Variants in CDH4 observed in about 807,000 individuals in gnomAD.
The protein encoded by CDH4 is cadherin-4.
Under a neutral mutation model 86.0 loss-of-function variants are expected in CDH4, and 33 were observed. That is an observed-to-expected ratio of 0.38 (90% CI 0.29 to 0.51). CDH4 has a LOEUF of 0.51. Ranked by LOEUF, CDH4 falls within the 20% of genes least tolerant of loss-of-function variation. The pLI, the probability that CDH4 is intolerant of heterozygous loss-of-function variation, is 0.86. For missense variants in CDH4, 1,114 were observed against 1,307.4 expected (o/e 0.85, Z 2.28); for synonymous variants, 555 against 549.4 (o/e 1.01, Z -0.14).
chr20:61,370,293 C>G (rs970830631), intron 2 of CDH4: 2 of 153,058 alleles, frequency 1.3e-5, no homozygotes, highest in African/African-American at 4.8e-5. Flanking sequence ...AGGTAGAGTG[C>G]TGGGCTGGAC....
intron 3 of CDH4, among the ~76,000 whole-genome samples, chr20:61,758,178 G>T (rs1163086886): frequency 2.0e-5 from 3 of 152,270 alleles, no homozygotes; most frequent in African/African-American, 7.2e-5. Context: ...GGGTAGAGGC[G>T]CTGTTTCATC....
rs548945755 is a variant in CDH4 at position 61,547,852 on chromosome 20, G to A, written c.170-195711G>A. On this transcript the variant is annotated intron_variant, in intron 2 of 15. Coordinates refer to ENST00000614565, the MANE Select transcript of CDH4 (RefSeq NM_001794.5). ...ACATACACGCACATATGTGTAAAGCGGCACCGCGTGGGGCTGGCAGAGCGA... is the reference window on the plus strand; with the variant it reads ...ACATACACGCACATATGTGTAAAGCAGCACCGCGTGGGGCTGGCAGAGCGA... 1.4e-3 allele frequency among the ~76,000 whole-genome samples: 210 copies of A among 152,354 alleles called. 2 individuals are homozygous for A. The highest frequency in any genetic ancestry group is 4.9e-3 in the African/African-American group (202 of 41,592).
chr20:61,435,486 T>G (rs2085275706), intron 2 of CDH4, among the ~76,000 whole-genome samples: 1 of 152,182 alleles, frequency 6.6e-6, no homozygotes, highest in Non-Finnish European at 1.5e-5. Context: ...TGCTTCCAGC[T>G]TGGTGCACTG....
chr20:61,343,839 C>T (rs1292070828), intron 2 of CDH4, among the ~76,000 whole-genome samples: 1 of 152,096 alleles, frequency 6.6e-6, no homozygotes, highest in African/African-American at 2.4e-5. Context: ...GTGTCAACCT[C>T]ATGTGCCTGT....
chr20:61,343,874 C>T (rs993672122), intron 2 of CDH4, among the ~76,000 whole-genome samples: 7 of 152,076 alleles, frequency 4.6e-5, no homozygotes, highest in East Asian at 1.9e-4. Flanking sequence ...TTGGTCACAT[C>T]GGTTGAAAGA....
intron 2 of CDH4, among the ~76,000 whole-genome samples, chr20:61,474,758 AG>A (rs2085525351): frequency 6.6e-6 from 1 of 152,044 alleles, no homozygotes; most frequent in South Asian, 2.1e-4. Context: ...GATACTTCCA[AG>A]GGCATTTTTA....
chr20:61,858,357 C>T lies in CDH4; in HGVS notation c.877+5459C>T, dbSNP rs1600716967. ...TGTCTGTATCTGCGTATGTGTCTCT[C>T]TGTGCGTGTCTCTGTGTCTGTATGT... On this transcript the variant is annotated intron_variant, in intron 6 of 15. Transcript: ENST00000614565. 5.6e-5 allele frequency among the ~76,000 whole-genome samples: 4 copies of T among 71,648 alleles called. No homozygotes were observed. The Admixed American group carries it at 6.8e-4, about 12-fold the overall frequency. 47.0% of individuals were successfully genotyped at this position (71,648 alleles called of 152,430 possible).
chr20:61,851,139 C>T (rs75848399), intron 5 of CDH4, among the ~76,000 whole-genome samples: 1,906 of 152,328 alleles, frequency 0.013, 47 homozygotes, highest in East Asian at 0.097. Flanking sequence ...AGCAACCCCA[C>T]AGCACTTCAG....
intron 2 of CDH4, among the ~76,000 whole-genome samples, chr20:61,438,762 A>T (rs1320066571): frequency 6.6e-6 from 1 of 152,202 alleles, no homozygotes; most frequent in Non-Finnish European, 1.5e-5. Context: ...AAAGTCCACT[A>T]ACTACCCACA....
At chr20:61,495,556 C>T (rs142623332) in intron 2 of CDH4, among the ~76,000 whole-genome samples, 164 of 152,262 alleles carry the variant, frequency 1.1e-3, no homozygotes, top group African/African-American at 3.6e-3. Flanking sequence ...GAGACTGCAG[C>T]CTGGGCGACA....
At chr20:61,356,222 A>G (rs1452025103) in intron 2 of CDH4, among the ~76,000 whole-genome samples, 1 of 152,112 alleles carries the variant, frequency 6.6e-6, no homozygotes, top group Admixed American at 6.6e-5. Flanking sequence ...ATTATCTTGG[A>G]AGAGGGTTGA....
intron 2 of CDH4, among the ~76,000 whole-genome samples, chr20:61,386,782 T>G (rs1694466304): frequency 2.6e-5 from 4 of 152,236 alleles, no homozygotes; most frequent in African/African-American, 7.2e-5. Flanking sequence ...GTCCTCGATA[T>G]TTTGTGCCTT....
intron 4 of CDH4, among the ~76,000 whole-genome samples, chr20:61,812,631 T>G (rs1980497429): frequency 2.6e-5 from 4 of 152,320 alleles, no homozygotes; most frequent in Admixed American, 6.5e-5. Flanking sequence ...TGGTATGTAA[T>G]TTAGTCACTG....
chr20:61,862,019 G>A (rs532474293), intron 6 of CDH4, among the ~76,000 whole-genome samples: 4 of 152,314 alleles, frequency 2.6e-5, no homozygotes, highest in South Asian at 2.1e-4. Context: ...AACGGGAAGC[G>A]CCTTTCCCTG....
chr20:61,731,574 C>A (rs1000746792), intron 2 of CDH4, among the ~76,000 whole-genome samples: 1 of 152,208 alleles, frequency 6.6e-6, no homozygotes, highest in African/African-American at 2.4e-5. Flanking sequence ...TCCTGCTGCT[C>A]AGCAGATTCC....
At chr20:61,450,404 C>A (rs369839773) in intron 2 of CDH4, among the ~76,000 whole-genome samples, 1 of 152,128 alleles carries the variant, frequency 6.6e-6, no homozygotes, top group East Asian at 1.9e-4. Flanking sequence ...GTTCTCCATG[C>A]CTTTTTAAGT....
At chr20:61,853,103 G>T (rs1406021957) in intron 6 of CDH4, among the ~76,000 whole-genome samples, 2 of 152,208 alleles carry the variant, frequency 1.3e-5, no homozygotes. Context: ...GACCACAGGT[G>T]AGAAGCGATT....
chr20:61,448,457 CG>C (rs1384568831), intron 2 of CDH4, among the ~76,000 whole-genome samples: 1 of 152,190 alleles, frequency 6.6e-6, no homozygotes, highest in African/African-American at 2.4e-5. Flanking sequence ...TCATACATCA[CG>C]GCACAGCCTC....
rs150983396 is a variant in CDH4 at position 61,319,557 on chromosome 20, G to T, written c.169+64620G>T. On this transcript the variant is annotated intron_variant, in intron 2 of 15. Transcript: ENST00000614565. ...CTTTTGGATAAATACCCAGAAGTGG[G>T]ATTGCTGGATCATATGGTAGGTGGT... Among the ~76,000 whole-genome samples, 536 of 152,294 alleles carry T rather than the reference G, an allele frequency of 3.5e-3. 6 individuals are homozygous for T. Among genetic ancestry groups the T allele is most frequent in the East Asian group, 0.021 (108 of 5,186 alleles).
Sources: allele counts gnomAD v4.1 joint callset (sites outside exome capture counted in the v4.1 genomes callset), GRCh38; gene constraint gnomAD v4.1.1; transcripts MANE v1.5; gene names NCBI Gene and HGNC (gene_info 2026-07-23, HGNC 2026-07-21).